Variants in NUBP1 observed in about 807,000 individuals in gnomAD.
NUBP1 encodes the protein cytosolic Fe-S cluster assembly factor NUBP1.
In NUBP1, 46 loss-of-function variants were observed where a neutral mutation model predicts 41.8. The ratio of observed to expected loss-of-function variants is 1.10; its 90% confidence interval spans 0.87 to 1.41. The LOEUF is 1.41. Among genes scored for constraint, NUBP1 ranks in the 40% most tolerant of loss-of-function variants. The pLI is 0.00. For missense variants in NUBP1, 494 were observed against 414.0 expected (o/e 1.19, Z -1.68); for synonymous variants, 189 against 154.6 (o/e 1.22, Z -1.65).
rs77786340 is a variant in NUBP1, at chr16:10,760,194, G to T, written c.607-1170G>T. 2.3e-3 allele frequency among the ~76,000 whole-genome samples: 348 copies of T among 152,356 alleles called. 5 individuals are homozygous for T. In the East Asian group the frequency reaches 0.028, roughly 12 times the overall value. ...AGAGCAGGGATTGGCAAACTTTTCT[G>T]TAAAGGGCCAGATAGGAAGTAGGCG... On this transcript the variant is annotated intron_variant, in intron 7 of 10. Coordinates refer to ENST00000283027, the MANE Select transcript of NUBP1 (RefSeq NM_002484.4).
intron 9 of NUBP1, 176 bp downstream of exon 9, chr16:10,762,035 G>A (rs886503108): frequency 2.7e-5 from 15 of 561,914 alleles, no homozygotes; most frequent in African/African-American, 1.5e-4. Context: ...GAGAGAGGCC[G>A]AGACCCCTGC....
Position 10,769,196 on chromosome 16 carries a change from TG to T in NUBP1, c.*94del. The T allele has an allele frequency of 8.5e-7, 1 of 1,183,390 alleles. No individual in the cohort carries two copies. Among genetic ancestry groups the T allele is most frequent in the South Asian group, 1.3e-5 (1 of 78,750 alleles). The allele number at this position is 1,183,390 out of a possible 1,614,324, so 73.3% of individuals were successfully genotyped here. On this transcript the variant is annotated 3_prime_UTR_variant, in exon 11 of 11. Coordinates refer to ENST00000283027, the MANE Select transcript of NUBP1 (RefSeq NM_002484.4). ...AGACCCGACCAGCTCCGGGATGGGG[TG>T]GGTCACAGCAAAAGGACCAGATGCT...
At chr16:10,762,695 G>A (rs904417156) in intron 9 of NUBP1, among the ~76,000 whole-genome samples, 2 of 152,284 alleles carry the variant, frequency 1.3e-5, no homozygotes, top group Admixed American at 6.5e-5. Flanking sequence ...CCCATGCCTC[G>A]GAACTTCCAC....
intron 8 of NUBP1, 92 bp from the exon 9 acceptor site, chr16:10,761,665 T>A: frequency 1.7e-5 from 3 of 173,184 alleles, no homozygotes; most frequent in African/African-American, 2.6e-5. Context: ...AAACTAAGCC[T>A]TTTTTTTTTT....
At chr16:10,747,109 G>A in intron 2 of NUBP1, 34 bp from the exon 3 acceptor site, 3 of 1,611,808 alleles carry the variant, frequency 1.9e-6, no homozygotes, top group South Asian at 2.2e-5. Context: ...TTTGGTGTGG[G>A]ACCTCATCCC....
Position 10,761,462 on chromosome 16 carries a change from T to A in NUBP1, c.705T>A (p.Cys235Ter), listed in dbSNP as rs200931059. 298 of 1,613,754 alleles carry A rather than the reference T, an allele frequency of 1.8e-4. No homozygotes were observed. Among genetic ancestry groups the A allele is most frequent in the Non-Finnish European group, 2.4e-4 (284 of 1,179,846 alleles). ...GVVENMSGFI[C>*]PKCKKESQIF... ...TGGAGAACATGAGTGGCTTCATCTG[T>A]CCTAAGTGCAAGGTGAGGGCGCGTG... The change falls in exon 8 of 11, where the codon TGT becomes TGA. Residue 235 changes from cysteine to a stop codon, truncating the protein, a stop_gained. Coordinates refer to ENST00000283027, the MANE Select transcript of NUBP1 (RefSeq NM_002484.4). LOFTEE classifies it high-confidence loss of function.
rs1026386593 is a variant in NUBP1, at chr16:10,749,822, G to A, written c.258+2546G>A. On this transcript the variant is annotated intron_variant, in intron 3 of 10. Coordinates refer to ENST00000283027, the MANE Select transcript of NUBP1 (RefSeq NM_002484.4). This position sits in a 1 kb window ranked among gnomAD's most constrained non-coding sequence, Gnocchi z 4.1. ...CGCCTGTCATCTCATTGGCACAAAGGGCCTTGGATCAAGAGAGAGCAGAAT... is the reference window on the plus strand; with the variant it reads ...CGCCTGTCATCTCATTGGCACAAAGAGCCTTGGATCAAGAGAGAGCAGAAT... Among the ~76,000 whole-genome samples the A allele has an allele frequency of 1.3e-5, 2 of 152,168 alleles. No homozygotes were observed. Among genetic ancestry groups the A allele is most frequent in the East Asian group, 1.9e-4 (1 of 5,192 alleles).
At chr16:10,745,997 G>C (rs914396095) in intron 2 of NUBP1, among the ~76,000 whole-genome samples, 1 of 152,220 alleles carries the variant, frequency 6.6e-6, no homozygotes, top group South Asian at 2.1e-4. Flanking sequence ...CAAAGATTTA[G>C]GGGCCAGCAA....
intron 9 of NUBP1, among the ~76,000 whole-genome samples, chr16:10,762,597 G>A (rs546705361): frequency 4.6e-5 from 7 of 152,300 alleles, no homozygotes; most frequent in East Asian, 1.9e-4. Flanking sequence ...GGGCTCCTGC[G>A]GGGCGTCCAG....
chr16:10,756,656 A>G (rs1900577200), intron 5 of NUBP1, 34 bp from the exon 6 acceptor site: 1 of 1,483,518 alleles, frequency 6.7e-7, no homozygotes, highest in Non-Finnish European at 9.0e-7. Flanking sequence ...TTTTGAGTAA[A>G]GCGTGTCTTG....
chr16:10,750,784 C>T (rs1900283015), intron 3 of NUBP1, among the ~76,000 whole-genome samples: 1 of 152,162 alleles, frequency 6.6e-6, no homozygotes, highest in Non-Finnish European at 1.5e-5. Context: ...ATCCCTCTTC[C>T]CCTACCCTCC....
chr16:10,761,613 T>C (rs1217843947), intron 8 of NUBP1, 139 bp downstream of exon 8: 12 of 975,686 alleles, frequency 1.2e-5, no homozygotes, highest in African/African-American at 1.6e-5. Flanking sequence ...CCCTTTCTGC[T>C]GACTAAAGGA....
At position 10,755,706 on chromosome 16, in the gene NUBP1, C is replaced by G; in HGVS notation, c.328-15C>G. The G allele has an allele frequency of 1.9e-6, 3 of 1,613,726 alleles. No homozygotes were observed. The highest frequency in any genetic ancestry group is 8.5e-7 in the Non-Finnish European group (1 of 1,179,616). On this transcript the variant is annotated splice_polypyrimidine_tract_variant and intron_variant, in intron 4 of 10. Transcript: ENST00000283027. ...TGATTTCTACTAATGAACATCGGTG[C>G]TCATGTTCACACAGGTTCACCAGAG...
Position 10,758,005 on chromosome 16 carries a change from C to T in NUBP1, c.584C>T (p.Ala195Val), listed in dbSNP as rs1900679894. The T allele has an allele frequency of 6.2e-7, 1 of 1,613,878 alleles. No homozygotes were observed. Among genetic ancestry groups the T allele is most frequent in the African/African-American group, 1.3e-5 (1 of 74,914 alleles). ...CTGGCCACAGCACACATCGATGGAG[C>T]AGTGATCATCACCACTCCCCAGGTG... ...RYLATAHIDG[A>V]VIITTPQEVS... The change falls in exon 7 of 11, where the codon GCA becomes GTA. Residue 195 changes from alanine to valine, a missense_variant. By Grantham distance (64) the Ala-to-Val change is moderately conservative. Coordinates refer to ENST00000283027, the MANE Select transcript of NUBP1 (RefSeq NM_002484.4).
At chr16:10,753,173 T>C (rs1341543865) in intron 4 of NUBP1, among the ~76,000 whole-genome samples, 1 of 152,168 alleles carries the variant, frequency 6.6e-6, no homozygotes, top group African/African-American at 2.4e-5. Context: ...ACTGTGAGTC[T>C]TGGCGGGGGA....
At chr16:10,748,855 T>C (rs919886319) in intron 3 of NUBP1, among the ~76,000 whole-genome samples, 4 of 152,022 alleles carry the variant, frequency 2.6e-5, no homozygotes, top group African/African-American at 9.7e-5. Flanking sequence ...TTTGGGAGGC[T>C]GAGGCAGGCG....
chr16:10,744,019 CA>C lies in NUBP1; in HGVS notation c.80del (p.Asn27ThrfsTer17), dbSNP rs1899935266. ...GRGASCQGCP[N>X]QRLCASGAGA... is the part of the protein sequence containing the mutation. ...GAGGGGCTTCATGTCAGGGATGCCC[CA>C]ACCAGCGGCTGTGCGCTTCTGGAGC... On this transcript the variant is annotated frameshift_variant, in exon 2 of 11. Coordinates refer to ENST00000283027, the MANE Select transcript of NUBP1 (RefSeq NM_002484.4). LOFTEE classifies it high-confidence loss of function. 1 of 1,578,956 alleles carries C rather than the reference CA, an allele frequency of 6.3e-7. No individual in the cohort carries two copies. The highest frequency in any genetic ancestry group is 2.0e-5 in the Admixed American group (1 of 50,760).
At chr16:10,755,001 C>T (rs1443404152) in intron 4 of NUBP1, among the ~76,000 whole-genome samples, 1 of 152,048 alleles carries the variant, frequency 6.6e-6, no homozygotes, top group South Asian at 2.1e-4. Flanking sequence ...GTCAGGATCA[C>T]GCCACTGCAC....
intron 5 of NUBP1, 127 bp downstream of exon 5, chr16:10,755,880 A>C (rs1900526772): frequency 1.2e-6 from 1 of 837,640 alleles, no homozygotes; most frequent in African/African-American, 1.7e-5. Flanking sequence ...ATGTGATTAA[A>C]ACCAGTGATT....
Sources: gnomAD v4.1 joint callset for allele counts (sites outside exome capture counted in the v4.1 genomes callset) on GRCh38, gnomAD v4.1.1 for gene constraint, Gnocchi (gnomAD v3.1) non-coding constraint, MANE v1.5 for transcripts, NCBI Gene and HGNC (gene_info 2026-07-23, HGNC 2026-07-21) for gene names.